The following LINGO2 variants were observed in gnomAD, a reference collection of about 807,000 sequenced individuals.
LINGO2 encodes leucine-rich repeat and immunoglobulin-like domain-containing nogo receptor-interacting protein 2.
In LINGO2, 14 loss-of-function variants were observed where a neutral mutation model predicts 30.6. That is an observed-to-expected ratio of 0.46 (90% CI 0.30 to 0.72). The LOEUF is 0.72. LINGO2 is among the 30% of genes least tolerant of loss of function. The pLI is 0.07. For missense variants in LINGO2, 729 were observed against 751.7 expected (o/e 0.97, Z 0.35); for synonymous variants, 317 against 288.5 (o/e 1.10, Z -1.00).
intron 1 of LINGO2, among the ~76,000 whole-genome samples, chr9:28,510,417 A>G (rs7848015): frequency 0.7 from 106,884 of 151,862 alleles, 37,861 homozygotes; most frequent in East Asian, 0.84. Flanking sequence ...AATCATAAGG[A>G]AGAGAAAATG....
chr9:29,074,570 C>T, the LINGO2 span, among the ~76,000 whole-genome samples: 4 of 151,974 alleles, frequency 2.6e-5, no homozygotes, highest in South Asian at 8.3e-4. Context: ...AATGGCACAT[C>T]CATAGGTTTA....
intron 1 of LINGO2, among the ~76,000 whole-genome samples, chr9:28,529,228 C>A (rs1055179477): frequency 4.0e-5 from 6 of 151,890 alleles, no homozygotes; most frequent in Non-Finnish European, 7.4e-5. Context: ...GAATGCAAGC[C>A]CATTTTGATT....
At chr9:28,892,376 A>C in the LINGO2 span, among the ~76,000 whole-genome samples, 1 of 152,104 alleles carries the variant, frequency 6.6e-6, no homozygotes, top group South Asian at 2.1e-4. Context: ...ATGCTTTCAA[A>C]GATATTTGTT....
chr9:28,577,963 A>G (rs1115012), intron 1 of LINGO2, among the ~76,000 whole-genome samples: 89,249 of 151,928 alleles, frequency 0.59, 26,601 homozygotes, highest in East Asian at 0.69. Flanking sequence ...AGAAAGTGAC[A>G]GCATATGGGA....
intron 1 of LINGO2, among the ~76,000 whole-genome samples, chr9:28,662,814 C>A (rs980504132): frequency 6.6e-6 from 1 of 152,102 alleles, no homozygotes; most frequent in Admixed American, 6.6e-5. Context: ...ACAATGTTCA[C>A]CTATTTCCAA....
chr9:28,763,842 C>T, the LINGO2 span, among the ~76,000 whole-genome samples: 1 of 151,658 alleles, frequency 6.6e-6, no homozygotes, highest in African/African-American at 2.4e-5. Context: ...AAAAAGAAGA[C>T]ATTACAACAA....
the LINGO2 span, among the ~76,000 whole-genome samples, chr9:29,010,798 C>T: frequency 1.3e-5 from 2 of 152,086 alleles, no homozygotes; most frequent in African/African-American, 2.4e-5. Flanking sequence ...GGCAGAATCA[C>T]TCGAACCCAG....
At chr9:29,056,043 T>A in the LINGO2 span, among the ~76,000 whole-genome samples, 4 of 151,632 alleles carry the variant, frequency 2.6e-5, no homozygotes, top group African/African-American at 4.8e-5. Context: ...GGTTCCATAG[T>A]TTTGTTACTG....
In LINGO2 at chr9:27,950,666, A is replaced by AT; in HGVS notation, c.5_6insA (p.His3SerfsTer31). 6.6e-6 allele frequency: 10 copies of AT among 1,507,968 alleles called. No individual in the cohort carries two copies. The highest frequency in any genetic ancestry group is 5.5e-5 in the South Asian group (4 of 72,894). 93.4% of individuals were successfully genotyped at this position (1,507,968 alleles called of 1,614,324 possible). On this transcript the variant is annotated frameshift_variant, in exon 6 of 6. Coordinates refer to ENST00000379992, the Ensembl canonical transcript of LINGO2. LOFTEE classifies it high-confidence loss of function. The stretch of plus-strand genomic sequence containing the variant: ...GCTGCCAGCATGATATGGCCGTGTG[A>AT]AGCATGACTCCACTTCTTAGTCTAC...
chr9:28,931,927 C>A, the LINGO2 span, among the ~76,000 whole-genome samples: 2 of 150,844 alleles, frequency 1.3e-5, no homozygotes, highest in East Asian at 3.9e-4. Context: ...GGCCAATATG[C>A]TGAAACCCCA....
chr9:28,873,597 G>A, the LINGO2 span, among the ~76,000 whole-genome samples: 1 of 151,968 alleles, frequency 6.6e-6, no homozygotes, highest in Non-Finnish European at 1.5e-5. Context: ...TTATTAACTG[G>A]TTTATGAAGG....
At chr9:28,985,334 G>A in the LINGO2 span, among the ~76,000 whole-genome samples, 1 of 152,088 alleles carries the variant, frequency 6.6e-6, no homozygotes, top group Non-Finnish European at 1.5e-5. Flanking sequence ...ACATGGGAGT[G>A]CAGACACCTC....
At chr9:28,322,193 C>A (rs1017959635) in intron 3 of LINGO2, among the ~76,000 whole-genome samples, 9 of 152,150 alleles carry the variant, frequency 5.9e-5, no homozygotes, top group African/African-American at 1.9e-4. Flanking sequence ...TCCCTTTTGC[C>A]TGGAATGTCC....
the LINGO2 span, among the ~76,000 whole-genome samples, chr9:28,914,171 C>A: frequency 6.6e-6 from 1 of 152,206 alleles, no homozygotes; most frequent in East Asian, 1.9e-4. Flanking sequence ...ATTCTTGAAA[C>A]CTGATTTTTA....
At chr9:27,960,803 G>T (rs1819805810) in intron 5 of LINGO2, among the ~76,000 whole-genome samples, 1 of 151,710 alleles carries the variant, frequency 6.6e-6, no homozygotes, top group African/African-American at 2.4e-5. Flanking sequence ...ATGTCATTTT[G>T]CTATTTGCTG....
At chr9:27,948,816 A>G in exon 6 of LINGO2, 3 of 1,571,080 alleles carry the variant, frequency 1.9e-6, no homozygotes, top group Middle Eastern at 1.7e-4. Flanking sequence ...GATTACCCAC[A>G]TTGACAAAGA....
the LINGO2 span, among the ~76,000 whole-genome samples, chr9:28,780,724 C>G: frequency 6.6e-6 from 1 of 151,922 alleles, no homozygotes; most frequent in Non-Finnish European, 1.5e-5. Flanking sequence ...TTTTACTGTT[C>G]CTGGGTCCTG....
the LINGO2 span, among the ~76,000 whole-genome samples, chr9:29,099,451 T>C: frequency 6.6e-6 from 1 of 152,014 alleles, no homozygotes; most frequent in Admixed American, 6.6e-5. Context: ...ATACAACCCA[T>C]AGAATGGGAG....
chr9:27,947,793 T>C (rs374931760), downstream of LINGO2, among the ~76,000 whole-genome samples: 25 of 152,362 alleles, frequency 1.6e-4, 1 homozygote, highest in East Asian at 4.2e-3. Context: ...CTCTTTCTTA[T>C]TCAGAGAGCT....
Sources: allele counts gnomAD v4.1 joint callset (sites outside exome capture counted in the v4.1 genomes callset), GRCh38; gene constraint gnomAD v4.1.1; transcripts MANE v1.5; gene names NCBI Gene and HGNC (gene_info 2026-07-23, HGNC 2026-07-21).